RBFOX1: variants seen among roughly 807,000 people sequenced by gnomAD.
The protein encoded by RBFOX1 is RNA binding protein fox-1 homolog 1.
Under a neutral mutation model 57.7 loss-of-function variants are expected in RBFOX1, and 8 were observed. The observed-to-expected ratio is 0.14, with a 90% CI of 0.08 to 0.25. The LOEUF is 0.25. Among genes scored for constraint, RBFOX1 ranks in the 10% least tolerant of loss-of-function variants. The pLI is 1.00. For missense variants in RBFOX1, 611 were observed against 548.5 expected (o/e 1.11, Z -1.14); for synonymous variants, 326 against 222.4 (o/e 1.47, Z -4.15).
At chr16:7,096,176 A>C (rs970967537) in intron 4 of RBFOX1, among the ~76,000 whole-genome samples, 1 of 152,248 alleles carries the variant, frequency 6.6e-6, no homozygotes, top group Non-Finnish European at 1.5e-5. Context: ...ACACAACACA[A>C]TAACAAAACT....
rs186591834 is a variant in RBFOX1 at position 5,838,983 on chromosome 16, A to G, written c.319-28320A>G. ...CCAGAGGACATTTGGCAATATCTGA[A>G]AGTATTTTTGGTTTCACAGCTCGCT... On this transcript the variant is annotated intron_variant, in intron 3 of 19. Coordinates refer to the RBFOX1 transcript ENST00000641259. 8.5e-4 allele frequency among the ~76,000 whole-genome samples: 130 copies of G among 152,236 alleles called. 1 individual carries two copies. The highest frequency in any genetic ancestry group is 3.4e-3 in the Middle Eastern group (1 of 294).
intron 3 of RBFOX1, among the ~76,000 whole-genome samples, chr16:5,684,062 A>C (rs1277033390): frequency 1.3e-5 from 2 of 152,098 alleles, no homozygotes; most frequent in Non-Finnish European, 2.9e-5. Context: ...GATTAAAAAA[A>C]TTAAATTGAA....
intron 3 of RBFOX1, among the ~76,000 whole-genome samples, chr16:5,706,539 C>T (rs1355408988): frequency 1.3e-5 from 2 of 152,144 alleles, no homozygotes; most frequent in Admixed American, 6.5e-5. Flanking sequence ...TTTATCTTCT[C>T]TGGGAGTTTG....
At chr16:7,549,350 A>T (rs1364932880) in intron 5 of RBFOX1, among the ~76,000 whole-genome samples, 1 of 152,188 alleles carries the variant, frequency 6.6e-6, no homozygotes, top group African/African-American at 2.4e-5. Flanking sequence ...AAACCAGGTG[A>T]GGAGTTTAGG....
intron 3 of RBFOX1, among the ~76,000 whole-genome samples, chr16:6,680,955 G>C (rs967983275): frequency 1.3e-5 from 2 of 152,196 alleles, no homozygotes; most frequent in African/African-American, 4.8e-5. Flanking sequence ...AATTGGGCCT[G>C]AGTAACTTTT....
At chr16:6,883,098 G>A (rs1385190218) in intron 3 of RBFOX1, among the ~76,000 whole-genome samples, 4 of 152,130 alleles carry the variant, frequency 2.6e-5, no homozygotes, top group Non-Finnish European at 5.9e-5. Flanking sequence ...GATGTAATTA[G>A]TATGAATGGC....
chr16:7,411,771 C>T (rs546317258), intron 4 of RBFOX1, among the ~76,000 whole-genome samples: 3 of 152,148 alleles, frequency 2.0e-5, no homozygotes, highest in South Asian at 4.2e-4. Context: ...GGCGTGGTGG[C>T]GCATGCCTGT....
At chr16:6,998,662 C>A (rs1227622812) in intron 3 of RBFOX1, among the ~76,000 whole-genome samples, 1 of 152,020 alleles carries the variant, frequency 6.6e-6, no homozygotes, top group Admixed American at 6.6e-5. Context: ...ATTTTGTGTT[C>A]CTTTCCCTCA....
At chr16:6,160,266 T>C (rs1361104520) in intron 1 of RBFOX1, among the ~76,000 whole-genome samples, 1 of 152,214 alleles carries the variant, frequency 6.6e-6, no homozygotes, top group African/African-American at 2.4e-5. Context: ...CCTCTGTTTT[T>C]TTCTTAATGT....
At chr16:6,541,274 T>C (rs1471696494) in intron 2 of RBFOX1, among the ~76,000 whole-genome samples, 1 of 152,190 alleles carries the variant, frequency 6.6e-6, no homozygotes, top group African/African-American at 2.4e-5. Context: ...AACTTTGACA[T>C]GAAGATATTC....
chr16:5,434,242 C>G (rs998687676), intron 1 of RBFOX1, among the ~76,000 whole-genome samples: 1 of 150,716 alleles, frequency 6.6e-6, no homozygotes, highest in Non-Finnish European at 1.5e-5. Context: ...CAAAATGAGG[C>G]CTTAGAAGAG....
intron 10 of RBFOX1, among the ~76,000 whole-genome samples, chr16:7,615,584 A>G (rs991065083): frequency 5.3e-5 from 8 of 152,118 alleles, no homozygotes; most frequent in African/African-American, 1.7e-4. Flanking sequence ...CTCATTTTCT[A>G]CCTACAAGCT....
At chr16:6,642,162 C>G (rs1040737737) in intron 2 of RBFOX1, among the ~76,000 whole-genome samples, 4 of 152,154 alleles carry the variant, frequency 2.6e-5, no homozygotes, top group African/African-American at 9.7e-5. Flanking sequence ...GGCGACAAAC[C>G]CAGGCTTCCC....
rs114255474 is a variant in RBFOX1, at chr16:6,891,850, A to G, written c.-15-160207A>G. ...GTTGGCATATGATACCATTATAGCT[A>G]CTTAGTGGACAGCAAGGCCAGCACT... On this transcript the variant is annotated intron_variant, in intron 3 of 15. Coordinates refer to ENST00000550418, the MANE Select transcript of RBFOX1 (RefSeq NM_018723.4). 3.1e-3 allele frequency among the ~76,000 whole-genome samples: 473 copies of G among 152,280 alleles called. 3 individuals carry two copies. The highest frequency in any genetic ancestry group is 0.011 in the African/African-American group (461 of 41,562).
intron 1 of RBFOX1, among the ~76,000 whole-genome samples, chr16:5,380,748 C>T (rs1179550078): frequency 1.3e-5 from 2 of 152,188 alleles, no homozygotes; most frequent in Non-Finnish European, 2.9e-5. Context: ...GAGGTGAGAT[C>T]CAAACTCAGG....
At chr16:7,121,964 A>C (rs966292482) in intron 4 of RBFOX1, among the ~76,000 whole-genome samples, 13 of 152,080 alleles carry the variant, frequency 8.5e-5, no homozygotes, top group Non-Finnish European at 1.6e-4. Context: ...AATAATTGCA[A>C]ACACATTTGC....
intron 3 of RBFOX1, among the ~76,000 whole-genome samples, chr16:6,801,984 G>A (rs1042033291): frequency 2.0e-5 from 3 of 152,152 alleles, no homozygotes; most frequent in Admixed American, 6.5e-5. Flanking sequence ...CCCTTATCTT[G>A]TCTCGTGCTA....
intron 3 of RBFOX1, chr16:6,749,057 A>C (rs1428339584): frequency 1.3e-5 from 2 of 152,200 alleles, no homozygotes; most frequent in African/African-American, 4.8e-5. Context: ...CTGGGTATTC[A>C]TAAAATGACT....
intron 3 of RBFOX1, among the ~76,000 whole-genome samples, chr16:5,706,535 T>C (rs1279881360): frequency 1.3e-5 from 2 of 152,182 alleles, no homozygotes; most frequent in African/African-American, 4.8e-5. Context: ...AAAATTTATC[T>C]TCTCTGGGAG....
Sources: allele counts gnomAD v4.1 joint callset (sites outside exome capture counted in the v4.1 genomes callset), GRCh38; gene constraint gnomAD v4.1.1; transcripts MANE v1.5; gene names NCBI Gene and HGNC (gene_info 2026-07-23, HGNC 2026-07-21).